Variants in SNX29 observed in about 807,000 individuals in gnomAD.
The protein encoded by SNX29 is sorting nexin 29.
A neutral mutation model predicts 102.1 loss-of-function variants in SNX29; 78 were observed. The observed-to-expected ratio is 0.76, with a 90% confidence interval of 0.64 to 0.92. The LOEUF (loss-of-function observed/expected upper bound fraction) is 0.92. SNX29 is among the 40% of genes least tolerant of loss of function. The pLI, the probability that SNX29 is intolerant of heterozygous loss-of-function variation, is 0.00. For synonymous variants in SNX29, 580 were observed against 414.5 expected, an observed-to-expected ratio of 1.40 and a Z score of -4.85; for missense variants, 1,280 against 1,061.7, an observed-to-expected ratio of 1.21 and a Z score of -2.86.
In SNX29 at chr16:12,060,949, G is replaced by A. The variant is rs374940504; in HGVS notation, c.1125-579G>A. The stretch of plus-strand genomic sequence containing the variant: ...GGTCTGATTCTGTCCTTTTACCCAC[G>A]AGGGGCTCAGATGCAGCGAGGCGGA... On this transcript the variant is annotated intron_variant, in intron 8 of 20. Coordinates refer to ENST00000566228, the MANE Select transcript of SNX29 (RefSeq NM_032167.5). The A allele has an allele frequency of 3.6e-4, 160 of 441,756 alleles. 1 individual carries two copies. In the East Asian group the frequency reaches 4.1e-3, roughly 11 times the overall value. The allele number at this position is 441,756 out of a possible 1,614,324, so 27.4% of individuals were successfully genotyped here.
intron 18 of SNX29, among the ~76,000 whole-genome samples, chr16:12,410,865 G>C (rs1311005955): frequency 6.6e-6 from 1 of 152,194 alleles, no homozygotes; most frequent in Non-Finnish European, 1.5e-5. Flanking sequence ...TGGTTTGGAG[G>C]ATGGTGATGT....
chr16:12,568,088 C>A (rs186463478), intron 20 of SNX29, among the ~76,000 whole-genome samples: 2 of 152,302 alleles, frequency 1.3e-5, no homozygotes, highest in Admixed American at 1.3e-4. Flanking sequence ...AGTCCGTCTC[C>A]TGTGTTTTGC....
intron 11 of SNX29, among the ~76,000 whole-genome samples, chr16:12,109,143 A>AAAAAG (rs2053397728): frequency 2.0e-5 from 3 of 149,524 alleles, no homozygotes; most frequent in African/African-American, 5.0e-5. Context: ...AAAAAAAAAA[A>AAAAAG]AAAAAAAAAA....
At chr16:12,541,044 G>C (rs115101447) in intron 20 of SNX29, among the ~76,000 whole-genome samples, 1 of 152,152 alleles carries the variant, frequency 6.6e-6, no homozygotes, top group Non-Finnish European at 1.5e-5. Context: ...TCTGTAGTCT[G>C]GCTGCTATTT....
rs76889233 is a variant in SNX29 at position 12,435,988 on chromosome 16, G to C, written c.2037+32459G>C. Among the ~76,000 whole-genome samples the C allele has an allele frequency of 5.7e-3, 872 of 152,302 alleles. 14 individuals are homozygous for C. The highest frequency in any genetic ancestry group is 0.021 in the African/African-American group (860 of 41,582). ...CCCGTAGGCCCAGGGTCTGGGCCTT[G>C]GGGTTGGATTTTGGGTCTGCCTTGC... is the stretch of plus-strand genomic sequence containing the variant. On this transcript the variant is annotated intron_variant, in intron 18 of 20. Coordinates refer to ENST00000566228, the MANE Select transcript of SNX29 (RefSeq NM_032167.5).
intron 20 of SNX29, among the ~76,000 whole-genome samples, chr16:12,549,384 A>T (rs1051246584): frequency 3.3e-5 from 5 of 152,188 alleles, no homozygotes; most frequent in African/African-American, 9.7e-5. Context: ...AGTCCCAGCT[A>T]CTCAGAAGGC....
At chr16:12,061,400 ACCT>A (rs1836224151) in intron 8 of SNX29, 125 bp from the exon 9 acceptor site, 11 of 700,730 alleles carry the variant, frequency 1.6e-5, no homozygotes, top group South Asian at 8.9e-5. Context: ...CCCAGCCCAC[ACCT>A]CCTTCTGTTC....
chr16:12,450,430 G>A (rs973712070), intron 18 of SNX29, among the ~76,000 whole-genome samples: 19 of 152,200 alleles, frequency 1.2e-4, no homozygotes, highest in Non-Finnish European at 4.4e-5. Flanking sequence ...CTTCAAGTCA[G>A]TGAGAAAAGG....
chr16:12,036,099 G>T (rs1421576352), intron 4 of SNX29, among the ~76,000 whole-genome samples: 1 of 152,064 alleles, frequency 6.6e-6, no homozygotes, highest in Non-Finnish European at 1.5e-5. Flanking sequence ...TTTAGAGACA[G>T]GGCCTTGCTC....
chr16:12,338,555 C>T (rs571577410), intron 15 of SNX29, among the ~76,000 whole-genome samples: 17 of 152,188 alleles, frequency 1.1e-4, no homozygotes, highest in Non-Finnish European at 1.9e-4. Flanking sequence ...AAAGTTTCCA[C>T]TTGTAGATGA....
At chr16:12,457,153 A>G (rs2086575553) in intron 18 of SNX29, among the ~76,000 whole-genome samples, 1 of 152,184 alleles carries the variant, frequency 6.6e-6, no homozygotes, top group African/African-American at 2.4e-5. Context: ...ATTTAAGGAG[A>G]GTTCAACCCC....
chr16:12,223,274 C>T (rs995609833), intron 14 of SNX29, among the ~76,000 whole-genome samples: 2 of 152,154 alleles, frequency 1.3e-5, no homozygotes, highest in Admixed American at 1.3e-4. Context: ...ACCTGTAATC[C>T]CAGAACTTTG....
chr16:12,422,793 G>GC (rs2084922107), intron 18 of SNX29, among the ~76,000 whole-genome samples: 1 of 152,220 alleles, frequency 6.6e-6, no homozygotes, highest in African/African-American at 2.4e-5. Context: ...GCTTCCTTCA[G>GC]CCCCCGACAG....
At chr16:12,049,640 A>T (rs2050225281) in intron 7 of SNX29, among the ~76,000 whole-genome samples, 1 of 151,848 alleles carries the variant, frequency 6.6e-6, no homozygotes, top group Admixed American at 6.6e-5. Flanking sequence ...GCCTGTTTTT[A>T]AAAAATTTTA....
intron 20 of SNX29, among the ~76,000 whole-genome samples, chr16:12,563,997 C>T (rs896366233): frequency 1.3e-5 from 2 of 152,288 alleles, no homozygotes; most frequent in African/African-American, 2.4e-5. Context: ...GCCCCTGCAG[C>T]ACCCTCTTCC....
chr16:12,534,395 GCTT>G (rs2077014452), intron 20 of SNX29, among the ~76,000 whole-genome samples: 1 of 152,188 alleles, frequency 6.6e-6, no homozygotes, highest in Admixed American at 6.5e-5. Context: ...AGCTTCTTTT[GCTT>G]CTTGTCCTCT....
At chr16:12,041,809 C>G (rs1433519912) in intron 4 of SNX29, among the ~76,000 whole-genome samples, 5 of 152,182 alleles carry the variant, frequency 3.3e-5, no homozygotes, top group African/African-American at 1.2e-4. Context: ...GACTCTTTTA[C>G]TATATAAGGT....
At chr16:12,415,577 T>C (rs531584119) in intron 18 of SNX29, among the ~76,000 whole-genome samples, 5 of 152,216 alleles carry the variant, frequency 3.3e-5, no homozygotes, top group Non-Finnish European at 7.3e-5. Flanking sequence ...CTTGGGGTCC[T>C]GCACTATGCC....
At chr16:11,977,922 C>G (rs1191722240) in intron 1 of SNX29, 2 of 152,254 alleles carry the variant, frequency 1.3e-5, no homozygotes, top group Non-Finnish European at 2.9e-5. Context: ...TTTCCCCTCA[C>G]TGTGGAATTG....
Sources: gnomAD v4.1 joint callset for allele counts (sites outside exome capture counted in the v4.1 genomes callset) on GRCh38, gnomAD v4.1.1 for gene constraint, MANE v1.5 for transcripts, NCBI Gene and HGNC (gene_info 2026-07-23, HGNC 2026-07-21) for gene names.